The following GRIA4 variants were observed in gnomAD, a reference collection of about 807,000 sequenced individuals.
GRIA4 encodes glutamate ionotropic receptor AMPA type subunit 4, also known as glutamate receptor 4.
Under a neutral mutation model 104.0 loss-of-function variants are expected in GRIA4, and 34 were observed. That is an observed-to-expected ratio of 0.33 (90% confidence interval 0.25 to 0.44). GRIA4 has a LOEUF of 0.44. Among genes scored for constraint, GRIA4 ranks in the 20% least tolerant of loss-of-function variants. The probability of loss-of-function intolerance (pLI) is 1.00; values close to 1 mark genes in which losing one functional copy is unlikely to be tolerated. For synonymous variants in GRIA4, 386 were observed against 381.9 expected (o/e 1.01, Z -0.13); for missense variants, 750 against 1,096.5 (o/e 0.68, Z 4.46).
intron 3 of GRIA4, among the ~76,000 whole-genome samples, chr11:105,743,197 G>A (rs1406594239): frequency 6.6e-6 from 1 of 152,064 alleles, no homozygotes; most frequent in African/African-American, 2.4e-5. Flanking sequence ...AGAAGTACAG[G>A]CACTGAAATC....
intron 13 of GRIA4, among the ~76,000 whole-genome samples, chr11:105,929,022 A>G (rs999940459): frequency 3.9e-5 from 6 of 152,054 alleles, no homozygotes. Context: ...ATAGGTATCT[A>G]TTGTTGCAGA....
chr11:105,703,229 A>G lies in GRIA4; in HGVS notation c.248-49752A>G, dbSNP rs1357418448. The stretch of plus-strand genomic sequence containing the variant: ...ACGAGTTCATTCTATCTTCTGATTC[A>G]TATGGTCATTCCTTATCATTTTATT... On this transcript the variant is annotated intron_variant, in intron 3 of 16. Coordinates refer to ENST00000282499, the MANE Select transcript of GRIA4 (RefSeq NM_000829.4). Among the ~76,000 whole-genome samples, 6 of 152,328 alleles carry G rather than the reference A, an allele frequency of 3.9e-5. No homozygotes were observed. The South Asian group carries it at 1.2e-3, about 32-fold the overall frequency.
intron 4 of GRIA4, chr11:105,797,805 C>T (rs1369409455): frequency 4.4e-6 from 2 of 455,774 alleles, no homozygotes; most frequent in South Asian, 3.1e-5. Flanking sequence ...ATGTGCTCTA[C>T]AACAAGAGCA....
chr11:105,953,646 CAT>C (rs997067937), intron 14 of GRIA4, among the ~76,000 whole-genome samples: 5 of 145,594 alleles, frequency 3.4e-5, no homozygotes, highest in African/African-American at 1.0e-4. Context: ...CACACACACA[CAT>C]ATATATACAT....
intron 4 of GRIA4, among the ~76,000 whole-genome samples, chr11:105,844,977 G>T (rs1374837172): frequency 6.6e-6 from 1 of 152,234 alleles, no homozygotes; most frequent in Non-Finnish European, 1.5e-5. Flanking sequence ...CTGCTTAGTA[G>T]TTGTGTGACC....
At chr11:105,879,986 A>G (rs1166897703) in intron 5 of GRIA4, among the ~76,000 whole-genome samples, 4 of 152,180 alleles carry the variant, frequency 2.6e-5, no homozygotes, top group African/African-American at 9.7e-5. Context: ...CTTAATGCCT[A>G]TATTTATTTA....
At chr11:105,802,976 A>C (rs1942787651) in intron 4 of GRIA4, among the ~76,000 whole-genome samples, 1 of 151,960 alleles carries the variant, frequency 6.6e-6, no homozygotes. Flanking sequence ...GTATATCTTA[A>C]ATTTATCTTT....
intron 4 of GRIA4, among the ~76,000 whole-genome samples, chr11:105,772,136 T>C (rs1260013566): frequency 6.6e-6 from 1 of 152,106 alleles, no homozygotes; most frequent in Admixed American, 6.6e-5. Flanking sequence ...ATGCTAATCA[T>C]CTCTACCTAA....
intron 4 of GRIA4, among the ~76,000 whole-genome samples, chr11:105,814,653 C>T (rs569342410): frequency 1.5e-4 from 23 of 152,052 alleles, no homozygotes; most frequent in African/African-American, 5.3e-4. Flanking sequence ...CCCATTATTA[C>T]CATTTTAAGT....
chr11:105,674,118 G>C (rs1952461592), intron 3 of GRIA4, among the ~76,000 whole-genome samples: 1 of 151,978 alleles, frequency 6.6e-6, no homozygotes, highest in South Asian at 2.1e-4. Context: ...AATATATGTG[G>C]AACTGGATAG....
chr11:105,918,648 G>A, intron 10 of GRIA4, 64 bp from the exon 11 acceptor site: 1 of 794,582 alleles, frequency 1.3e-6, no homozygotes. Flanking sequence ...AAATTGGAAA[G>A]TTACATAAGG....
intron 3 of GRIA4, among the ~76,000 whole-genome samples, chr11:105,745,584 C>T (rs1459690928): frequency 1.3e-5 from 2 of 152,166 alleles, no homozygotes; most frequent in African/African-American, 4.8e-5. Context: ...CATTAATTCA[C>T]AATCCTCATA....
chr11:105,948,850 G>GT (rs1948395774), intron 14 of GRIA4, among the ~76,000 whole-genome samples: 1 of 151,810 alleles, frequency 6.6e-6, no homozygotes, highest in African/African-American at 2.4e-5. Context: ...CTCGGCCTCC[G>GT]TAAGTGCTGA....
chr11:105,778,431 G>T (rs1257454052), intron 4 of GRIA4, among the ~76,000 whole-genome samples: 1 of 152,244 alleles, frequency 6.6e-6, no homozygotes, highest in African/African-American at 2.4e-5. Context: ...GGGGGGCTGG[G>T]CGCGGTGGCT....
chr11:105,850,456 A>G (rs1258522934), intron 4 of GRIA4, among the ~76,000 whole-genome samples: 2 of 152,172 alleles, frequency 1.3e-5, no homozygotes, highest in Non-Finnish European at 2.9e-5. Flanking sequence ...AACTTGGGCA[A>G]GCATATAGAT....
At chr11:105,750,932 T>C (rs149897408) in intron 3 of GRIA4, among the ~76,000 whole-genome samples, 2 of 152,184 alleles carry the variant, frequency 1.3e-5, no homozygotes, top group African/African-American at 4.8e-5. Flanking sequence ...ATTTATGGGG[T>C]TCCTAGAAAA....
At chr11:105,776,439 T>C in intron 4 of GRIA4, among the ~76,000 whole-genome samples, 1 of 152,230 alleles carries the variant, frequency 6.6e-6, no homozygotes, top group East Asian at 1.9e-4. Context: ...AGTATATTCT[T>C]TGTGACATAT....
intron 15 of GRIA4, 74 bp downstream of exon 15, chr11:105,972,102 G>A: frequency 2.3e-6 from 2 of 877,390 alleles, no homozygotes; most frequent in Non-Finnish European, 3.8e-6. Flanking sequence ...AAAAGTATAT[G>A]GAAACCATAA....
chr11:105,876,713 T>A (rs1945837321), intron 5 of GRIA4, among the ~76,000 whole-genome samples: 1 of 152,220 alleles, frequency 6.6e-6, no homozygotes, highest in Non-Finnish European at 1.5e-5. Flanking sequence ...TAAAGCCTGT[T>A]TTATCAGAGA....
Sources: allele counts gnomAD v4.1 joint callset (sites outside exome capture counted in the v4.1 genomes callset), GRCh38; gene constraint gnomAD v4.1.1; transcripts MANE v1.5; gene names NCBI Gene and HGNC (gene_info 2026-07-23, HGNC 2026-07-21).